Variants in DROSHA observed in about 807,000 individuals in gnomAD.
DROSHA encodes drosha ribonuclease III, also known as ribonuclease 3.
A neutral mutation model predicts 181.9 loss-of-function variants in DROSHA; 56 were observed. The ratio of observed to expected loss-of-function variants is 0.31; its 90% CI spans 0.25 to 0.38. DROSHA has a LOEUF of 0.38. DROSHA is among the 10% of genes least tolerant of loss of function. The pLI, the probability that DROSHA is intolerant of heterozygous loss-of-function variation, is 1.00. For missense variants in DROSHA, 1,218 were observed against 1,743.5 expected (o/e 0.70, Z 5.37); for synonymous variants, 524 against 591.2 (o/e 0.89, Z 1.65).
At chr5:31,451,161 C>A (rs1168628650) in intron 21 of DROSHA, among the ~76,000 whole-genome samples, 1 of 151,978 alleles carries the variant, frequency 6.6e-6, no homozygotes, top group Non-Finnish European at 1.5e-5. Context: ...GAGATCACGC[C>A]ATTGCACTCC....
chr5:31,521,384 C>G (rs547760670), intron 5 of DROSHA, among the ~76,000 whole-genome samples, 169 bp from the exon 6 acceptor site: 22 of 152,278 alleles, frequency 1.4e-4, no homozygotes, highest in Non-Finnish European at 3.2e-4. Flanking sequence ...GATAAAGGAG[C>G]TTTTCACTTT....
intron 34 of DROSHA, 68 bp from the exon 35 acceptor site, chr5:31,405,791 T>C (rs539479344): frequency 2.3e-4 from 261 of 1,121,928 alleles, no homozygotes; most frequent in African/African-American, 1.9e-3. Context: ...TTTTTTTTTT[T>C]CAAAAAATGC....
intron 35 of DROSHA, among the ~76,000 whole-genome samples, chr5:31,405,268 T>C (rs761341290): frequency 6.6e-6 from 1 of 151,488 alleles, no homozygotes; most frequent in East Asian, 1.9e-4. Context: ...CTGGGGAGGC[T>C]GAGGCAGGAG....
chr5:31,469,080 T>A (rs916600281), intron 17 of DROSHA, among the ~76,000 whole-genome samples: 1 of 152,124 alleles, frequency 6.6e-6, no homozygotes, highest in Admixed American at 6.6e-5. Context: ...TAAACTTGGG[T>A]GAATTCACCC....
At chr5:31,481,098 G>A (rs1045830134) in intron 16 of DROSHA, among the ~76,000 whole-genome samples, 1 of 150,968 alleles carries the variant, frequency 6.6e-6, no homozygotes, top group African/African-American at 2.4e-5. Flanking sequence ...ATATCAAAAT[G>A]TTTTTTTTTA....
At chr5:31,451,300 C>T (rs1747003624) in intron 21 of DROSHA, among the ~76,000 whole-genome samples, 1 of 152,178 alleles carries the variant, frequency 6.6e-6, no homozygotes, top group African/African-American at 2.4e-5. Flanking sequence ...ATAAGGTACT[C>T]AGAGTTGACA....
intron 20 of DROSHA, among the ~76,000 whole-genome samples, chr5:31,457,621 G>T (rs1413657160): frequency 1.3e-5 from 2 of 152,122 alleles, no homozygotes; most frequent in Non-Finnish European, 2.9e-5. Flanking sequence ...CAGGCACAGT[G>T]GCTCATGTCT....
Position 31,409,174 on chromosome 5 carries a change from CA to C in DROSHA, c.3751-16del. 6.2e-7 allele frequency: 1 copy of C among 1,612,664 alleles called. No individual in the cohort carries two copies. Among genetic ancestry groups the C allele is most frequent in the Non-Finnish European group, 8.5e-7 (1 of 1,179,388 alleles). Reference sequence around the variant, plus strand: ...AAAATGAACTCCTGTGGAAGTCCCCCAAAACTATTTAGTAATGGGTTCTGGA... The same window carrying C: ...AAAATGAACTCCTGTGGAAGTCCCCCAAACTATTTAGTAATGGGTTCTGGA... On this transcript the variant is annotated splice_polypyrimidine_tract_variant and intron_variant, in intron 32 of 35. Coordinates refer to ENST00000344624, the MANE Select transcript of DROSHA (RefSeq NM_001382508.1). The surrounding 1 kb of genome is among the most constrained non-coding windows in gnomAD (Gnocchi z 4.0).
intron 24 of DROSHA, among the ~76,000 whole-genome samples, chr5:31,436,379 T>G (rs571927580): frequency 6.7e-6 from 1 of 148,544 alleles, no homozygotes; most frequent in South Asian, 2.1e-4. Flanking sequence ...CAAAACACTT[T>G]CCTGCCCCTA....
At chr5:31,513,714 ACT>A (rs199629214) in intron 8 of DROSHA, among the ~76,000 whole-genome samples, 1,886 of 152,034 alleles carry the variant, frequency 0.012, 16 homozygotes, top group Middle Eastern at 0.061. Context: ...AAATAACACA[ACT>A]CTCTCTTATC....
chr5:31,415,939 C>T (rs1741887513), intron 30 of DROSHA, among the ~76,000 whole-genome samples: 1 of 152,130 alleles, frequency 6.6e-6, no homozygotes, highest in South Asian at 2.1e-4. Flanking sequence ...CCTCTATAGC[C>T]CAATGCAAAC....
In DROSHA at chr5:31,530,857, CAGCT is replaced by C. The variant is rs1741228647; in HGVS notation, c.-110_-107del. Reference sequence around the variant, plus strand: ...ACGTCTAACTCTTCCACTAGATTATCAGCTCCTTGATGATATGGGTTGATTCACA... The same window carrying C: ...ACGTCTAACTCTTCCACTAGATTATCCCTTGATGATATGGGTTGATTCACA... On this transcript the variant is annotated 5_prime_UTR_variant, in exon 3 of 36. The change abolishes the stop of an existing upstream ORF in the 5' untranslated region. Coordinates refer to ENST00000344624, the MANE Select transcript of DROSHA (RefSeq NM_001382508.1). 2.5e-6 allele frequency: 1 copy of C among 398,442 alleles called. No homozygotes were observed. The highest frequency in any genetic ancestry group is 4.4e-5 in the Admixed American group (1 of 22,712). The allele number at this position is 398,442 out of a possible 1,614,324, so 24.7% of individuals were successfully genotyped here.
intron 16 of DROSHA, among the ~76,000 whole-genome samples, chr5:31,477,217 T>C (rs968245895): frequency 1.3e-5 from 2 of 152,150 alleles, no homozygotes; most frequent in African/African-American, 2.4e-5. Flanking sequence ...TCAGTTTATA[T>C]TGCTTGATTA....
intron 5 of DROSHA, among the ~76,000 whole-genome samples, chr5:31,525,646 T>G (rs1740454359): frequency 6.6e-6 from 1 of 152,006 alleles, no homozygotes; most frequent in South Asian, 2.1e-4. Flanking sequence ...ACTCAGAAAG[T>G]CCTTCCTGTT....
intron 8 of DROSHA, among the ~76,000 whole-genome samples, chr5:31,511,923 A>T (rs62348739): frequency 0.42 from 62,366 of 147,976 alleles, 13,508 homozygotes; most frequent in South Asian, 0.51. Context: ...TCTCTCTCTC[A>T]CACACACGCA....
intron 12 of DROSHA, among the ~76,000 whole-genome samples, chr5:31,493,692 C>T (rs1285825562): frequency 6.6e-6 from 1 of 152,116 alleles, no homozygotes; most frequent in Non-Finnish European, 1.5e-5. Flanking sequence ...GACTCAGCAT[C>T]ATAAAGTGGA....
intron 30 of DROSHA, among the ~76,000 whole-genome samples, chr5:31,418,194 C>T (rs953554376): frequency 2.0e-5 from 3 of 151,936 alleles, no homozygotes; most frequent in African/African-American, 7.3e-5. Flanking sequence ...CTCTATCAAT[C>T]ACACTGTAAC....
chr5:31,521,341 G>T, intron 5 of DROSHA, 126 bp from the exon 6 acceptor site: 1 of 942,652 alleles, frequency 1.1e-6, no homozygotes, highest in Non-Finnish European at 1.6e-6. Context: ...TGTTCACTGG[G>T]GGACATTTTT....
chr5:31,483,601 C>T lies in DROSHA; in HGVS notation c.2024G>A (p.Cys675Tyr). The part of the protein sequence containing the change: ...KGPLFEDSPP[C>Y]CPRFHFMPRF... ...TGGCATGAAATGAAATCTTGGGCAG[C>T]AGGGAGGGCTGTCTTCAAACAAAGG... Residue 675 changes from cysteine (C) to tyrosine (Y), a missense_variant, in exon 16 of 36, where the codon TGC (cysteine) becomes TAC (tyrosine). Transcript: ENST00000344624. 1 of 1,608,100 alleles carries T rather than the reference C, an allele frequency of 6.2e-7. No homozygotes were observed. Among genetic ancestry groups the T allele is most frequent in the Non-Finnish European group, 8.5e-7 (1 of 1,178,588 alleles).
Sources: gnomAD v4.1 joint callset for allele counts (sites outside exome capture counted in the v4.1 genomes callset) on GRCh38, gnomAD v4.1.1 for gene constraint, Gnocchi (gnomAD v3.1) non-coding constraint, MANE v1.5 for transcripts, NCBI Gene and HGNC (gene_info 2026-07-23, HGNC 2026-07-21) for gene names.